LDLRAD4: variants seen among roughly 807,000 people sequenced by gnomAD.
LDLRAD4 encodes the protein low-density lipoprotein receptor class A domain-containing protein 4.
LDLRAD4 carries 5 observed loss-of-function variants against 17.0 expected under a neutral mutation model. That is an observed-to-expected ratio of 0.29 (90% CI 0.15 to 0.62). The LOEUF (loss-of-function observed/expected upper bound fraction) is 0.62, where lower values mean the gene tolerates loss of function less well. Among genes scored for constraint, LDLRAD4 ranks in the 20% least tolerant of loss-of-function variants. The pLI is 0.84. For missense variants in LDLRAD4, 340 were observed against 424.7 expected (o/e 0.80, Z 1.75); for synonymous variants, 168 against 171.8 (o/e 0.98, Z 0.17).
chr18:13,263,367 C>T (rs529935315), intron 1 of LDLRAD4, among the ~76,000 whole-genome samples: 3 of 152,062 alleles, frequency 2.0e-5, no homozygotes, highest in East Asian at 1.9e-4. Flanking sequence ...GCATCCTGTG[C>T]GACTCTATGT....
intron 3 of LDLRAD4, among the ~76,000 whole-genome samples, chr18:13,588,925 C>A (rs1390891877): frequency 6.8e-6 from 1 of 146,230 alleles, no homozygotes; most frequent in African/African-American, 2.5e-5. Context: ...TTTTTTTTTT[C>A]TTTTTTTCTT....
rs114467603 is a variant in LDLRAD4 at position 13,358,787 on chromosome 18, G to A, written c.-382-28554G>A. 4.3e-3 allele frequency among the ~76,000 whole-genome samples: 649 copies of A among 152,152 alleles called. 5 individuals are homozygous for A. Among genetic ancestry groups the A allele is most frequent in the African/African-American group, 0.015 (625 of 41,498 alleles). ...AAGTTGGCTTACCATATTTCCAGCTGGAAATAATTCATCCATATTATTAAA... is the reference window on the plus strand; with the variant it reads ...AAGTTGGCTTACCATATTTCCAGCTAGAAATAATTCATCCATATTATTAAA... On this transcript the variant is annotated intron_variant, in intron 1 of 5. Coordinates refer to ENST00000359446, the Ensembl canonical transcript of LDLRAD4.
chr18:13,403,474 C>T (rs1207823973), intron 2 of LDLRAD4, among the ~76,000 whole-genome samples: 1 of 152,180 alleles, frequency 6.6e-6, no homozygotes, highest in Non-Finnish European at 1.5e-5. Context: ...ACTCTCTTTG[C>T]TTTCAGAATA....
At chr18:13,222,501 A>G (rs1256311049) in intron 1 of LDLRAD4, among the ~76,000 whole-genome samples, 2 of 152,236 alleles carry the variant, frequency 1.3e-5, no homozygotes, top group East Asian at 1.9e-4. Flanking sequence ...TGTTAATGTT[A>G]CATGACAGGG....
rs898516185 is a variant in LDLRAD4 at position 13,387,389 on chromosome 18, C to T, written c.-334C>T. ...CTGCGGCTGGGACAAGGAGCACCCG[C>T]GTGCAGGTGCGACCCTGCAGGATGC... On this transcript the variant is annotated 5_prime_UTR_variant, in exon 2 of 6. Transcript: ENST00000359446. 16 of 261,514 alleles carry T rather than the reference C, an allele frequency of 6.1e-5. No homozygotes were observed. In the South Asian group the frequency reaches 6.8e-4, roughly 11 times the overall value. 16.2% of individuals were successfully genotyped at this position (261,514 alleles called of 1,614,324 possible).
At chr18:13,299,609 C>T (rs1299777887) in intron 1 of LDLRAD4, among the ~76,000 whole-genome samples, 3 of 152,036 alleles carry the variant, frequency 2.0e-5, no homozygotes, top group African/African-American at 7.2e-5. Context: ...TTTGGGAGGT[C>T]GAGGCAGGAG....
chr18:13,639,591 G>A (rs746633230), intron 4 of LDLRAD4, among the ~76,000 whole-genome samples: 5 of 152,156 alleles, frequency 3.3e-5, no homozygotes, highest in East Asian at 1.9e-4. Context: ...CTAGAACTCC[G>A]GTCAGTCTTC....
At chr18:13,396,785 T>C (rs1259830276) in intron 2 of LDLRAD4, among the ~76,000 whole-genome samples, 1 of 152,194 alleles carries the variant, frequency 6.6e-6, no homozygotes, top group East Asian at 1.9e-4. Context: ...GCCTGGCCTA[T>C]TTTTTATTGT....
chr18:13,518,420 C>T (rs1022687226), intron 3 of LDLRAD4, among the ~76,000 whole-genome samples: 14 of 152,158 alleles, frequency 9.2e-5, no homozygotes, highest in Admixed American at 4.6e-4. Context: ...TTTAAAAAGT[C>T]GTCTTTCTCC....
intron 3 of LDLRAD4, among the ~76,000 whole-genome samples, chr18:13,565,871 A>G (rs1193583901): frequency 6.6e-6 from 1 of 152,234 alleles, no homozygotes; most frequent in Non-Finnish European, 1.5e-5. Context: ...GTTGATATTC[A>G]AAGGAAGAAT....
At position 13,553,006 on chromosome 18, in the gene LDLRAD4, C is replaced by G. The variant is rs191792730; in HGVS notation, c.182-68111C>G. ...CATTTAAGACTTTACTCATCCTCTG[C>G]GTATTTTTAAGGAAGGATCTGAAAA... On this transcript the variant is annotated intron_variant, in intron 3 of 5. Coordinates refer to ENST00000359446, the Ensembl canonical transcript of LDLRAD4. Among the ~76,000 whole-genome samples, 8 of 152,184 alleles carry G rather than the reference C, an allele frequency of 5.3e-5. No homozygotes were observed. The East Asian group carries it at 1.3e-3, about 26-fold the overall frequency.
chr18:13,286,014 A>G (rs1057035941), intron 1 of LDLRAD4, among the ~76,000 whole-genome samples: 2 of 152,192 alleles, frequency 1.3e-5, no homozygotes, highest in African/African-American at 4.8e-5. Context: ...ACGTTGTGCA[A>G]CCATCACCAC....
intron 3 of LDLRAD4, among the ~76,000 whole-genome samples, chr18:13,548,153 T>A (rs1297322173): frequency 6.6e-6 from 1 of 152,120 alleles, no homozygotes; most frequent in Non-Finnish European, 1.5e-5. Flanking sequence ...CATCTTGTCA[T>A]CTGCCTGAGT....
chr18:13,429,979 G>A (rs145649367), intron 2 of LDLRAD4, among the ~76,000 whole-genome samples: 8 of 152,250 alleles, frequency 5.3e-5, no homozygotes, highest in African/African-American at 1.7e-4. Flanking sequence ...CCTGGGTCTC[G>A]GGGCGGTGGA....
intron 3 of LDLRAD4, among the ~76,000 whole-genome samples, chr18:13,596,747 C>T (rs1220656218): frequency 2.0e-5 from 3 of 152,128 alleles, no homozygotes; most frequent in African/African-American, 7.2e-5. Context: ...TTCTAATTTA[C>T]CTTTTCTAGT....
At chr18:13,454,866 C>G (rs962617055) in intron 3 of LDLRAD4, among the ~76,000 whole-genome samples, 1 of 152,244 alleles carries the variant, frequency 6.6e-6, no homozygotes, top group African/African-American at 2.4e-5. Context: ...TCAGCAGCAG[C>G]CTTGGTCCTG....
At chr18:13,559,356 T>G (rs1357877247) in intron 3 of LDLRAD4, among the ~76,000 whole-genome samples, 1 of 152,194 alleles carries the variant, frequency 6.6e-6, no homozygotes, top group East Asian at 1.9e-4. Context: ...GAACCTGCCT[T>G]GAAATGGCAT....
At chr18:13,636,774 A>T (rs1344472473) in intron 4 of LDLRAD4, among the ~76,000 whole-genome samples, 1 of 150,494 alleles carries the variant, frequency 6.6e-6, no homozygotes, top group African/African-American at 2.5e-5. Flanking sequence ...TGCTGGGATC[A>T]CAAGCGTAAA....
intron 4 of LDLRAD4, chr18:13,642,224 C>T: frequency 6.1e-6 from 6 of 986,258 alleles, no homozygotes; most frequent in Non-Finnish European, 7.2e-6. Context: ...CGCGCCGTCC[C>T]TCGCTGCTGG....
Sources: allele counts gnomAD v4.1 joint callset (sites outside exome capture counted in the v4.1 genomes callset), GRCh38; gene constraint gnomAD v4.1.1; transcripts MANE v1.5; gene names NCBI Gene and HGNC (gene_info 2026-07-23, HGNC 2026-07-21).